The following MNAT1 variants were observed in gnomAD, a reference collection of about 807,000 sequenced individuals.
MNAT1 encodes the protein MNAT1 component of CDK activating kinase, also known as CDK-activating kinase assembly factor MAT1.
MNAT1 carries 43 observed loss-of-function variants against 42.0 expected under a neutral mutation model. The observed-to-expected ratio is 1.02, with a 90% CI of 0.80 to 1.32. The LOEUF is 1.32. Among genes scored for constraint, MNAT1 ranks in the 40% most tolerant of loss-of-function variants. MNAT1 has a pLI of 0.00. For missense variants in MNAT1, 306 were observed against 350.4 expected (o/e 0.87, Z 1.01); for synonymous variants, 118 against 120.0 (o/e 0.98, Z 0.11).
At chr14:60,776,810 T>C (rs2031269605) in intron 1 of MNAT1, among the ~76,000 whole-genome samples, 1 of 152,128 alleles carries the variant, frequency 6.6e-6, no homozygotes, top group South Asian at 2.1e-4. Context: ...AATGGACTTG[T>C]ATAGTGTTGT....
intron 1 of MNAT1, among the ~76,000 whole-genome samples, chr14:60,791,716 T>A (rs1439560995): frequency 6.6e-6 from 1 of 152,174 alleles, no homozygotes. Flanking sequence ...GTCTCTACTT[T>A]TATTAAGATT....
At chr14:60,800,975 T>G (rs61991705) in intron 3 of MNAT1, among the ~76,000 whole-genome samples, 71,843 of 151,942 alleles carry the variant, frequency 0.47, 20,957 homozygotes, top group Non-Finnish European at 0.62. Flanking sequence ...GATAATTATG[T>G]TAACTAATAA....
chr14:60,923,842 T>C (rs2035711510), intron 7 of MNAT1, among the ~76,000 whole-genome samples: 1 of 152,146 alleles, frequency 6.6e-6, no homozygotes, highest in Non-Finnish European at 1.5e-5. Context: ...TAGCCAGGTG[T>C]GGTGGTGTGC....
rs116223825 is a variant in MNAT1, at chr14:60,912,698, G to T, written c.809+32863G>T. Among the ~76,000 whole-genome samples, 540 of 152,270 alleles carry T rather than the reference G, an allele frequency of 3.5e-3. 7 individuals are homozygous for T. The highest frequency in any genetic ancestry group is 0.012 in the African/African-American group (515 of 41,552). On this transcript the variant is annotated intron_variant, in intron 7 of 7. Transcript: ENST00000261245. ...GTTTCTGCCAAGAGATCAGCTGTTA[G>T]TTAGTCTGATGGGCTTCCCTTTTTG...
intron 7 of MNAT1, among the ~76,000 whole-genome samples, chr14:60,950,718 G>C (rs985500372): frequency 6.6e-6 from 1 of 152,152 alleles, no homozygotes; most frequent in African/African-American, 2.4e-5. Context: ...CTGATGTATA[G>C]CTTACCCTTC....
intron 6 of MNAT1, among the ~76,000 whole-genome samples, chr14:60,862,893 T>C (rs4902010): frequency 0.92 from 140,497 of 152,120 alleles, 65,419 homozygotes; most frequent in Non-Finnish European, 0.99. Context: ...GTTCACATAA[T>C]GAAGGTAGGA....
intron 1 of MNAT1, among the ~76,000 whole-genome samples, chr14:60,751,395 A>G (rs116014510): frequency 1.4e-3 from 217 of 152,116 alleles, no homozygotes; most frequent in African/African-American, 4.9e-3. Flanking sequence ...CTAGGGTGCT[A>G]GCTTACGATA....
chr14:60,768,043 C>T (rs1363131158), intron 1 of MNAT1, among the ~76,000 whole-genome samples: 5 of 152,248 alleles, frequency 3.3e-5, no homozygotes, highest in East Asian at 1.9e-4. Flanking sequence ...GGATTACAGG[C>T]GTGAGCCACC....
At chr14:60,832,662 C>CT (rs963194594) in intron 6 of MNAT1, among the ~76,000 whole-genome samples, 32 of 147,998 alleles carry the variant, frequency 2.2e-4, no homozygotes, top group East Asian at 5.9e-4. Flanking sequence ...GCTATACAGA[C>CT]TTTTTTTTTT....
chr14:60,862,281 G>T (rs1029761855), intron 6 of MNAT1, among the ~76,000 whole-genome samples: 3 of 152,170 alleles, frequency 2.0e-5, no homozygotes, highest in African/African-American at 7.2e-5. Flanking sequence ...CATATGCTTT[G>T]TGTGCTAGCT....
At chr14:60,817,103 A>G (rs544875477) in intron 5 of MNAT1, among the ~76,000 whole-genome samples, 8 of 152,088 alleles carry the variant, frequency 5.3e-5, no homozygotes, top group African/African-American at 1.7e-4. Flanking sequence ...TTGAAAAGCA[A>G]TACTTTTAAC....
intron 7 of MNAT1, among the ~76,000 whole-genome samples, chr14:60,888,163 C>T (rs2034728875): frequency 7.2e-6 from 1 of 138,366 alleles, no homozygotes; most frequent in South Asian, 2.6e-4. Context: ...AATTTTAGAC[C>T]AATATCCTTG....
At chr14:60,886,912 A>C (rs1196123091) in intron 7 of MNAT1, among the ~76,000 whole-genome samples, 2 of 152,206 alleles carry the variant, frequency 1.3e-5, no homozygotes, top group East Asian at 3.9e-4. Flanking sequence ...GTTGAATGTA[A>C]TTGATGAAAG....
At chr14:60,781,050 A>C (rs1002634156) in intron 1 of MNAT1, among the ~76,000 whole-genome samples, 19 of 152,188 alleles carry the variant, frequency 1.2e-4, no homozygotes, top group African/African-American at 4.6e-4. Context: ...ATCTATAAAC[A>C]ATGAAATATT....
chr14:60,847,486 G>C (rs1346772830), intron 6 of MNAT1, among the ~76,000 whole-genome samples: 1 of 148,374 alleles, frequency 6.7e-6, no homozygotes, highest in Non-Finnish European at 1.5e-5. Flanking sequence ...TGTTTATCTT[G>C]TTTCACACTT....
At chr14:60,737,095 G>T (rs1896328876) in intron 1 of MNAT1, among the ~76,000 whole-genome samples, 1 of 152,090 alleles carries the variant, frequency 6.6e-6, no homozygotes, top group African/African-American at 2.4e-5. Flanking sequence ...TCCTTTTAAA[G>T]AAGTACTTTA....
At chr14:60,883,048 T>A (rs553530139) in intron 7 of MNAT1, among the ~76,000 whole-genome samples, 1 of 152,108 alleles carries the variant, frequency 6.6e-6, no homozygotes, top group Admixed American at 6.6e-5. Context: ...TCTTTGTTCA[T>A]CGATTTCTTC....
intron 4 of MNAT1, 23 bp downstream of exon 4, chr14:60,808,451 C>A: frequency 7.5e-7 from 1 of 1,331,704 alleles, no homozygotes; most frequent in Non-Finnish European, 1.0e-6. Context: ...GTATTTTCTT[C>A]TTATTTTGTC....
At position 60,879,851 on chromosome 14, in the gene MNAT1, A is replaced by T; in HGVS notation, c.809+16A>T. ...GAAGACTTGGGTATGTGTCCTAAAGAACTTTACATTGAGGAGCTGATATGT... is the reference window on the plus strand; with the variant it reads ...GAAGACTTGGGTATGTGTCCTAAAGTACTTTACATTGAGGAGCTGATATGT... On this transcript the variant is annotated intron_variant, in intron 7 of 7. Transcript: ENST00000261245. 6.2e-7 allele frequency: 1 copy of T among 1,607,264 alleles called. No homozygotes were observed. The highest frequency in any genetic ancestry group is 2.2e-5 in the East Asian group (1 of 44,716).
Sources: gnomAD v4.1 joint callset for allele counts (sites outside exome capture counted in the v4.1 genomes callset) on GRCh38, gnomAD v4.1.1 for gene constraint, MANE v1.5 for transcripts, NCBI Gene and HGNC (gene_info 2026-07-23, HGNC 2026-07-21) for gene names.